Variants in CERK observed in about 807,000 individuals in gnomAD.
CERK encodes acylsphingosine kinase.
In CERK, 39 loss-of-function variants were observed where a neutral mutation model predicts 63.4. That is an observed-to-expected ratio of 0.61 (90% CI 0.48 to 0.80). The LOEUF (loss-of-function observed/expected upper bound fraction) is 0.80, where lower values mean the gene tolerates loss of function less well. CERK is among the 30% of genes least tolerant of loss of function. CERK has a pLI of 0.00. For missense variants in CERK, 670 were observed against 714.1 expected, an observed-to-expected ratio of 0.94 and a Z score of 0.70; for synonymous variants, 302 against 280.0, an observed-to-expected ratio of 1.08 and a Z score of -0.78.
At chr22:46,691,034 TACACAC>T (rs200466142) in intron 11 of CERK, among the ~76,000 whole-genome samples, 1 of 139,498 alleles carries the variant, frequency 7.2e-6, no homozygotes, top group Non-Finnish European at 1.6e-5. Context: ...TATATACACA[TACACAC>T]ACATGTATAC....
chr22:46,727,364 C>T (rs771803548), intron 1 of CERK, among the ~76,000 whole-genome samples: 1 of 151,934 alleles, frequency 6.6e-6, no homozygotes, highest in African/African-American at 2.4e-5. Context: ...ACTGCAGCCT[C>T]GACCTCCCAG....
chr22:46,691,056 T>TACACACACACAC (rs141210280), intron 11 of CERK, among the ~76,000 whole-genome samples: 3,286 of 147,242 alleles, frequency 0.022, 52 homozygotes, highest in Middle Eastern at 0.049. Context: ...TATACATACA[T>TACACACACACAC]ACACACACAC....
chr22:46,730,792 T>C (rs144997112), intron 1 of CERK, among the ~76,000 whole-genome samples: 79 of 152,282 alleles, frequency 5.2e-4, no homozygotes, highest in African/African-American at 1.9e-3. Flanking sequence ...ACACACGGCA[T>C]CCCCCTGGGG....
In CERK at chr22:46,721,030, C is replaced by A; in HGVS notation, c.143-15G>T. On this transcript the variant is annotated splice_polypyrimidine_tract_variant and intron_variant, in intron 1 of 12. Transcript: ENST00000216264. ...AGAGCAGGCATCTGTAAAAACACCA[C>A]GTCCTTCTGTCAAAGAATTCGTCAG... is the stretch of plus-strand genomic sequence containing the variant. 2.6e-6 allele frequency: 4 copies of A among 1,526,682 alleles called. No homozygotes were observed. Among genetic ancestry groups the A allele is most frequent in the Non-Finnish European group, 3.6e-6 (4 of 1,100,680 alleles). The allele number at this position is 1,526,682 out of a possible 1,614,324, so 94.6% of individuals were successfully genotyped here. A position where few individuals can be genotyped will look rare whatever the true frequency, so the allele number is the denominator to read the frequency against.
At chr22:46,712,573 C>A (rs2082846883) in intron 3 of CERK, among the ~76,000 whole-genome samples, 1 of 152,214 alleles carries the variant, frequency 6.6e-6, no homozygotes, top group African/African-American at 2.4e-5. Context: ...TCTCTCTGCT[C>A]TGAAGGGTGC....
At chr22:46,720,525 TCTTTA>T (rs991794650) in intron 2 of CERK, among the ~76,000 whole-genome samples, 7 of 152,014 alleles carry the variant, frequency 4.6e-5, no homozygotes, top group Non-Finnish European at 1.0e-4. Context: ...TGAAACCCCG[TCTTTA>T]CTTAAAATAC....
At chr22:46,701,737 A>G (rs2082785600) in intron 6 of CERK, 27 bp from the exon 7 acceptor site, 2 of 1,526,854 alleles carry the variant, frequency 1.3e-6, no homozygotes, top group Non-Finnish European at 1.8e-6. Flanking sequence ...AAGGTCCCAA[A>G]TAGCATCAGA....
intron 4 of CERK, among the ~76,000 whole-genome samples, 154 bp downstream of exon 4, chr22:46,712,014 G>A (rs945910495): frequency 6.6e-6 from 1 of 152,214 alleles, no homozygotes; most frequent in Non-Finnish European, 1.5e-5. Flanking sequence ...CTGAGTCAAG[G>A]AGGCTGAGGT....
At chr22:46,722,527 C>T (rs1340720153) in intron 1 of CERK, among the ~76,000 whole-genome samples, 2 of 150,242 alleles carry the variant, frequency 1.3e-5, no homozygotes, top group African/African-American at 4.9e-5. Flanking sequence ...GGTCCCCACC[C>T]TCCGGTGTGC....
At chr22:46,717,497 GA>G (rs2146576859) in intron 3 of CERK, among the ~76,000 whole-genome samples, 1 of 152,360 alleles carries the variant, frequency 6.6e-6, no homozygotes, top group East Asian at 1.9e-4. Flanking sequence ...ATTTATGCAA[GA>G]CTACTCGCCA....
chr22:46,721,041 C>G (rs749043541), intron 1 of CERK, 26 bp from the exon 2 acceptor site: 1 of 1,459,072 alleles, frequency 6.9e-7, no homozygotes, highest in Non-Finnish European at 9.6e-7. Context: ...GTCCTTCTGT[C>G]AAAGAATTCG....
At chr22:46,721,159 T>C in intron 1 of CERK, 144 bp from the exon 2 acceptor site, 2 of 610,184 alleles carry the variant, frequency 3.3e-6, no homozygotes, top group Admixed American at 2.5e-5. Flanking sequence ...GCACCTGTAA[T>C]CCCAGCACTT....
chr22:46,700,254 G>A (rs1342377890), intron 7 of CERK, among the ~76,000 whole-genome samples: 2 of 147,084 alleles, frequency 1.4e-5, no homozygotes, highest in African/African-American at 2.5e-5. Context: ...TGAGCTGGGC[G>A]TGGTGGCAGG....
At chr22:46,693,572 A>G in intron 9 of CERK, 69 bp from the exon 10 acceptor site, 2 of 1,248,156 alleles carry the variant, frequency 1.6e-6, no homozygotes, top group Non-Finnish European at 2.4e-6. Flanking sequence ...CTTGGCACAT[A>G]TAGATGTATT....
chr22:46,707,539 T>C (rs2082818922), intron 6 of CERK, among the ~76,000 whole-genome samples: 1 of 152,116 alleles, frequency 6.6e-6, no homozygotes, highest in Non-Finnish European at 1.5e-5. Flanking sequence ...CCTGCCAACC[T>C]ACCCACCTGC....
chr22:46,693,682 A>G, intron 9 of CERK, 179 bp from the exon 10 acceptor site: 1 of 561,842 alleles, frequency 1.8e-6, no homozygotes, highest in Non-Finnish European at 3.2e-6. Flanking sequence ...TACTTTTACA[A>G]TGACACATTC....
chr22:46,736,821 C>T (rs2082976332), intron 1 of CERK, among the ~76,000 whole-genome samples: 1 of 152,172 alleles, frequency 6.6e-6, no homozygotes, highest in Non-Finnish European at 1.5e-5. Flanking sequence ...AGATCCTCAC[C>T]ACTCAGCACC....
chr22:46,734,462 T>C (rs1012310225), intron 1 of CERK, among the ~76,000 whole-genome samples: 1 of 152,048 alleles, frequency 6.6e-6, no homozygotes, highest in Non-Finnish European at 1.5e-5. Flanking sequence ...GACGTGCACA[T>C]GGCATGATTC....
chr22:46,689,945 A>G (rs776104300), intron 12 of CERK, 47 bp downstream of exon 12: 202 of 1,471,846 alleles, frequency 1.4e-4, no homozygotes, highest in Non-Finnish European at 1.8e-4. Context: ...CAGACACCTC[A>G]GGGCTCAAGG....
Sources: allele counts gnomAD v4.1 joint callset (sites outside exome capture counted in the v4.1 genomes callset), GRCh38; gene constraint gnomAD v4.1.1; transcripts MANE v1.5; gene names NCBI Gene and HGNC (gene_info 2026-07-23, HGNC 2026-07-21).